The following LNPEP variants were observed in gnomAD, a reference collection of about 807,000 sequenced individuals.
LNPEP encodes the protein leucyl and cystinyl aminopeptidase.
In LNPEP, 64 loss-of-function variants were observed where a neutral mutation model predicts 120.6. The ratio of observed to expected loss-of-function variants is 0.53; its 90% CI spans 0.43 to 0.65. The LOEUF (loss-of-function observed/expected upper bound fraction) is 0.65. Ranked by LOEUF, LNPEP falls within the 30% of genes least tolerant of loss-of-function variation. The pLI, the probability that LNPEP is intolerant of heterozygous loss-of-function variation, is 0.00. For synonymous variants in LNPEP, 435 were observed against 425.4 expected (o/e 1.02, Z -0.28); for missense variants, 1,057 against 1,200.0 (o/e 0.88, Z 1.76).
At position 97,035,295 on chromosome 5, in the gene LNPEP, T is replaced by C. The variant is rs1048240281; in HGVS notation, c.*6762T>C. On this transcript the variant is annotated 3_prime_UTR_variant, in exon 18 of 18. Coordinates refer to ENST00000231368, the MANE Select transcript of LNPEP (RefSeq NM_005575.3). ...CTAGTCCTTTGCATGGATATATAGG[T>C]ACCTAATGAAAATCGAGGATCAGTG... The C allele has an allele frequency of 6.6e-6, 1 of 152,076 alleles. No homozygotes were observed. The highest frequency in any genetic ancestry group is 1.5e-5 in the Non-Finnish European group (1 of 67,992). 9.4% of individuals were successfully genotyped at this position (152,076 alleles called of 1,614,324 possible). A position where few individuals can be genotyped will look rare whatever the true frequency, so the allele number is the denominator to read the frequency against.
At chr5:96,941,377 G>T (rs1789052186) in intron 1 of LNPEP, among the ~76,000 whole-genome samples, 3 of 152,196 alleles carry the variant, frequency 2.0e-5, no homozygotes, top group Non-Finnish European at 4.4e-5. Flanking sequence ...TTGGGGTTGG[G>T]CAAACCTACT....
intron 4 of LNPEP, among the ~76,000 whole-genome samples, chr5:96,988,339 C>CTTTT (rs201343272): frequency 0.019 from 2,336 of 125,144 alleles, 103 homozygotes; most frequent in South Asian, 0.073. Context: ...TTTTTCTTTT[C>CTTTT]TTTTTTTTTT....
intron 13 of LNPEP, among the ~76,000 whole-genome samples, chr5:97,018,987 G>A (rs151026702): frequency 1.2e-4 from 18 of 152,222 alleles, no homozygotes; most frequent in African/African-American, 4.3e-4. Flanking sequence ...AGGCATTGGT[G>A]GGATAAACCT....
chr5:96,941,064 T>C (rs1789039629), intron 1 of LNPEP, among the ~76,000 whole-genome samples: 1 of 152,158 alleles, frequency 6.6e-6, no homozygotes, highest in African/African-American at 2.4e-5. Flanking sequence ...GTGGGAGCCC[T>C]GAGCTTGTTT....
rs75613193 is a variant in LNPEP, at chr5:97,020,413, G to A, written c.2377-1887G>A. ...GGTGGAGGTAAAGAAGTACCAGCAGGAAGAAATCTTCCTGTGCTTATTCCT... is the reference window on the plus strand; with the variant it reads ...GGTGGAGGTAAAGAAGTACCAGCAGAAAGAAATCTTCCTGTGCTTATTCCT... On this transcript the variant is annotated intron_variant, in intron 13 of 17. Coordinates refer to ENST00000231368, the MANE Select transcript of LNPEP (RefSeq NM_005575.3). Among the ~76,000 whole-genome samples the A allele has an allele frequency of 1.8e-4, 27 of 152,284 alleles. No individual in the cohort carries two copies. The East Asian group carries it at 5.2e-3, about 29-fold the overall frequency.
intron 6 of LNPEP, among the ~76,000 whole-genome samples, chr5:96,995,008 C>T (rs560910300): frequency 2.3e-4 from 35 of 151,842 alleles, no homozygotes; most frequent in South Asian, 1.0e-3. Context: ...CTTGGGAGGC[C>T]GAGGCAAAAG....
intron 5 of LNPEP, 63 bp downstream of exon 5, chr5:96,993,198 T>A: frequency 7.7e-7 from 1 of 1,291,274 alleles, no homozygotes; most frequent in Non-Finnish European, 1.1e-6. Flanking sequence ...TTTTGTGAAT[T>A]TTTTTAGAAA....
At chr5:97,021,930 T>TG (rs1561455306) in intron 13 of LNPEP, among the ~76,000 whole-genome samples, 2 of 134,838 alleles carry the variant, frequency 1.5e-5, no homozygotes, top group Admixed American at 7.4e-5. Flanking sequence ...TTTGTTTTTT[T>TG]TTTTTTTTTT....
At chr5:97,006,400 T>A in intron 10 of LNPEP, 27 bp from the exon 11 acceptor site, 1 of 1,391,534 alleles carries the variant, frequency 7.2e-7, no homozygotes, top group Non-Finnish European at 1.0e-6. Flanking sequence ...CATATGTAAC[T>A]AATTTTCCAA....
intron 11 of LNPEP, 71 bp downstream of exon 11, chr5:97,006,586 G>C (rs1561449816): frequency 1.2e-6 from 1 of 828,350 alleles, no homozygotes; most frequent in East Asian, 2.5e-5. Flanking sequence ...GCATATATAA[G>C]ATTACACTTT....
intron 13 of LNPEP, among the ~76,000 whole-genome samples, chr5:97,021,929 T>G (rs1322890115): frequency 7.4e-6 from 1 of 134,504 alleles, no homozygotes; most frequent in African/African-American, 2.8e-5. Context: ...TTTTGTTTTT[T>G]TTTTTTTTTT....
At position 97,029,983 on chromosome 5, in the gene LNPEP, C is replaced by T. The variant is rs1176698358; in HGVS notation, c.*1450C>T. On this transcript the variant is annotated 3_prime_UTR_variant, in exon 18 of 18. Coordinates refer to ENST00000231368, the MANE Select transcript of LNPEP (RefSeq NM_005575.3). ...TTTGTTTGAAAACAGTTTCTATGTA[C>T]ATAAAAAGGGTATTTACCCATTTGT... 6.6e-6 allele frequency: 1 copy of T among 152,032 alleles called. No homozygotes were observed. The highest frequency in any genetic ancestry group is 2.4e-5 in the African/African-American group (1 of 41,412). The allele number at this position is 152,032 out of a possible 1,614,324, so 9.4% of individuals were successfully genotyped here.
chr5:96,966,509 TG>T (rs1192712633), intron 1 of LNPEP, among the ~76,000 whole-genome samples: 838 of 3,318 alleles, frequency 0.25, 6 homozygotes, highest in African/African-American at 0.35. Flanking sequence ...TACATATATT[TG>T]TGTGTGTGTG....
In LNPEP at chr5:96,979,961, T is replaced by A; in HGVS notation, c.843T>A (p.Asp281Glu). 6.3e-7 allele frequency: 1 copy of A among 1,585,512 alleles called. No individual in the cohort carries two copies. Residue 281 changes from aspartate to glutamate, a missense_variant, in exon 2 of 18, where the codon GAT (aspartate) becomes GAA (glutamate). Coordinates refer to ENST00000231368, the MANE Select transcript of LNPEP (RefSeq NM_005575.3). ...GGTTTTATGGCTTCTCCTACACAGA[T>A]GAAAGTAATGAGAAAAAGTAGGTAG... ...YYGFYGFSYT[D>E]ESNEKKYFAA... is the part of the protein sequence containing the mutation.
intron 4 of LNPEP, among the ~76,000 whole-genome samples, chr5:96,991,243 C>T (rs954364342): frequency 6.6e-6 from 1 of 152,174 alleles, no homozygotes; most frequent in Non-Finnish European, 1.5e-5. Context: ...GCCATTATTT[C>T]ATTCCTTTCT....
chr5:96,988,071 AC>A (rs370493000), intron 4 of LNPEP, among the ~76,000 whole-genome samples: 282 of 151,786 alleles, frequency 1.9e-3, no homozygotes, highest in South Asian at 1.7e-3. Context: ...TTGGTATAAA[AC>A]CCCCAGCACT....
At chr5:97,010,597 G>T in intron 11 of LNPEP, 1 of 985,044 alleles carries the variant, frequency 1.0e-6, no homozygotes, top group Non-Finnish European at 1.2e-6. Context: ...CAGAACTTTA[G>T]TTTTTTTGTA....
At chr5:97,003,366 A>C in intron 8 of LNPEP, 49 bp from the exon 9 acceptor site, 1 of 1,097,478 alleles carries the variant, frequency 9.1e-7, no homozygotes, top group Non-Finnish European at 1.3e-6. Context: ...TCGATAATCT[A>C]TAGTATTCTA....
intron 1 of LNPEP, among the ~76,000 whole-genome samples, chr5:96,941,862 T>C (rs1035133298): frequency 6.6e-6 from 1 of 152,064 alleles, no homozygotes; most frequent in African/African-American, 2.4e-5. Flanking sequence ...AATGTGGAGA[T>C]TGGGGGTAAA....
Sources: allele counts gnomAD v4.1 joint callset (sites outside exome capture counted in the v4.1 genomes callset), GRCh38; gene constraint gnomAD v4.1.1; transcripts MANE v1.5; gene names NCBI Gene and HGNC (gene_info 2026-07-23, HGNC 2026-07-21).